The following GAREM1 variants were observed in gnomAD, a reference collection of about 807,000 sequenced individuals.
The protein encoded by GAREM1 is GRB2-associated and regulator of MAPK protein 1.
A neutral mutation model predicts 71.3 loss-of-function variants in GAREM1; 26 were observed. The ratio of observed to expected loss-of-function variants is 0.36; its 90% CI spans 0.27 to 0.51. The LOEUF is 0.51. Among genes scored for constraint, GAREM1 ranks in the 20% least tolerant of loss-of-function variants. The probability of loss-of-function intolerance (pLI) is 0.95; values close to 1 mark genes in which losing one functional copy is unlikely to be tolerated. For missense variants in GAREM1, 1,026 were observed against 1,103.1 expected (o/e 0.93, Z 0.99); for synonymous variants, 440 against 433.2 (o/e 1.02, Z -0.20).
intron 1 of GAREM1, among the ~76,000 whole-genome samples, chr18:32,464,811 T>C (rs1225758286): frequency 6.9e-6 from 1 of 144,496 alleles, no homozygotes; most frequent in Non-Finnish European, 1.5e-5. Context: ...ACATATATTA[T>C]TGCATTTAAT....
intron 3 of GAREM1, among the ~76,000 whole-genome samples, chr18:32,290,857 G>A (rs960472854): frequency 2.6e-5 from 4 of 152,078 alleles, no homozygotes; most frequent in African/African-American, 9.7e-5. Context: ...AGGCTATGGG[G>A]TAAAAAGCAT....
intron 2 of GAREM1, among the ~76,000 whole-genome samples, chr18:32,392,318 C>T (rs1320629548): frequency 6.6e-6 from 1 of 151,874 alleles, no homozygotes. Context: ...CAATAAAAAT[C>T]AGTTATATGG....
chr18:32,346,245 T>C (rs2047695210), intron 2 of GAREM1, among the ~76,000 whole-genome samples: 2 of 152,188 alleles, frequency 1.3e-5, no homozygotes, highest in African/African-American at 4.8e-5. Context: ...GTTGACAAGA[T>C]CAACATCAAC....
intron 1 of GAREM1, among the ~76,000 whole-genome samples, chr18:32,461,488 G>C (rs1440188362): frequency 6.6e-6 from 1 of 152,026 alleles, no homozygotes; most frequent in Non-Finnish European, 1.5e-5. Context: ...TCTATCTCAG[G>C]AGTTCAAGAC....
intron 1 of GAREM1, among the ~76,000 whole-genome samples, chr18:32,429,129 C>A (rs2048601522): frequency 6.6e-6 from 1 of 152,108 alleles, no homozygotes; most frequent in Non-Finnish European, 1.5e-5. Context: ...CTCTATCGTC[C>A]ATATTAACTT....
At chr18:32,302,903 G>C (rs901939347) in intron 3 of GAREM1, among the ~76,000 whole-genome samples, 13 of 152,200 alleles carry the variant, frequency 8.5e-5, no homozygotes, top group African/African-American at 2.7e-4. Flanking sequence ...TGGCTCTGCT[G>C]CTAGGCACTG....
intron 2 of GAREM1, among the ~76,000 whole-genome samples, chr18:32,386,672 A>C (rs2048149693): frequency 6.6e-6 from 1 of 152,182 alleles, no homozygotes; most frequent in Non-Finnish European, 1.5e-5. Context: ...GAATGCTATA[A>C]ATTTTCATAA....
chr18:32,409,234 A>G (rs2048394851), intron 1 of GAREM1, among the ~76,000 whole-genome samples: 1 of 152,186 alleles, frequency 6.6e-6, no homozygotes, highest in Non-Finnish European at 1.5e-5. Flanking sequence ...TAAATTAAGC[A>G]CTCAGATTTT....
In GAREM1 at chr18:32,265,965, C is replaced by A. The variant is rs1299082643; in HGVS notation, c.*1906G>T. On this transcript the variant is annotated 3_prime_UTR_variant, in exon 6 of 6. Transcript: ENST00000269209. ...CACACAGAAGGATGCTTTCAAAACA[C>A]GAAAGCTTCATAGGTCTCATGTCCT... is the stretch of plus-strand genomic sequence containing the variant. The A allele has an allele frequency of 6.6e-6, 1 of 152,158 alleles. No homozygotes were observed. The highest frequency in any genetic ancestry group is 1.5e-5 in the Non-Finnish European group (1 of 68,026). The allele number at this position is 152,158 out of a possible 1,614,324, so 9.4% of individuals were successfully genotyped here.
intron 2 of GAREM1, among the ~76,000 whole-genome samples, chr18:32,350,390 A>G (rs1184535790): frequency 6.6e-6 from 1 of 152,230 alleles, no homozygotes; most frequent in East Asian, 1.9e-4. Flanking sequence ...AAATTATTTA[A>G]TGTATCCAAC....
chr18:32,306,243 T>C (rs556849339), intron 3 of GAREM1, among the ~76,000 whole-genome samples: 7 of 152,282 alleles, frequency 4.6e-5, no homozygotes, highest in South Asian at 4.2e-4. Flanking sequence ...TGGGACACCA[T>C]ATGCTCCTGG....
intron 1 of GAREM1, among the ~76,000 whole-genome samples, chr18:32,461,654 C>T (rs1313418141): frequency 6.6e-6 from 1 of 152,030 alleles, no homozygotes; most frequent in Non-Finnish European, 1.5e-5. Context: ...ATGATCGCAC[C>T]ACTGCACTCC....
chr18:32,446,778 T>C (rs959767168), intron 1 of GAREM1, among the ~76,000 whole-genome samples: 2 of 152,176 alleles, frequency 1.3e-5, no homozygotes, highest in Admixed American at 1.3e-4. Context: ...CAACACTTTT[T>C]CTCAAATCCC....
rs2047871617 is a variant in GAREM1, at chr18:32,362,169, A to G, written c.262+30726T>C. Among the ~76,000 whole-genome samples the G allele has an allele frequency of 3.9e-5, 6 of 152,258 alleles. 1 individual carries two copies. The South Asian group carries it at 1.2e-3, about 32-fold the overall frequency. On this transcript the variant is annotated intron_variant, in intron 2 of 5. Coordinates refer to ENST00000269209, the MANE Select transcript of GAREM1 (RefSeq NM_001242409.2). ...TCCCATACCAGATGTTCTAGCTCCA[A>G]GGATTCTGATTCCAGGGGAGACTCC...
intron 2 of GAREM1, among the ~76,000 whole-genome samples, chr18:32,349,286 A>G (rs1347313955): frequency 6.6e-6 from 1 of 152,200 alleles, no homozygotes; most frequent in Non-Finnish European, 1.5e-5. Context: ...ATGTCCATTA[A>G]ATTTACCAGG....
chr18:32,374,129 A>G (rs1297730495), intron 2 of GAREM1, among the ~76,000 whole-genome samples: 2 of 152,212 alleles, frequency 1.3e-5, no homozygotes, highest in East Asian at 1.9e-4. Flanking sequence ...CTCCTATCAG[A>G]TATTTCACAC....
At chr18:32,296,935 C>G (rs1007777197) in intron 3 of GAREM1, among the ~76,000 whole-genome samples, 3 of 152,156 alleles carry the variant, frequency 2.0e-5, no homozygotes, top group African/African-American at 7.2e-5. Flanking sequence ...CTTTTACTTT[C>G]AACCAGCATC....
intron 2 of GAREM1, among the ~76,000 whole-genome samples, chr18:32,313,193 C>T (rs1032439186): frequency 6.6e-6 from 1 of 152,044 alleles, no homozygotes; most frequent in Non-Finnish European, 1.5e-5. Flanking sequence ...GCAAAGGAGT[C>T]AGGATGTCAC....
intron 1 of GAREM1, among the ~76,000 whole-genome samples, chr18:32,465,627 A>G (rs2048991999): frequency 6.6e-6 from 1 of 152,056 alleles, no homozygotes; most frequent in Non-Finnish European, 1.5e-5. Context: ...TTTTCCTTTC[A>G]GCAAACAGGG....
Sources: allele counts gnomAD v4.1 joint callset (sites outside exome capture counted in the v4.1 genomes callset), GRCh38; gene constraint gnomAD v4.1.1; transcripts MANE v1.5; gene names NCBI Gene and HGNC (gene_info 2026-07-23, HGNC 2026-07-21).